Variants in RELB observed in about 807,000 individuals in gnomAD.
RELB encodes RELB proto-oncogene, NF-kB subunit, also known as transcription factor RelB.
In RELB, 14 loss-of-function variants were observed where a neutral mutation model predicts 55.4. The ratio of observed to expected loss-of-function variants is 0.25; its 90% CI spans 0.17 to 0.40. The LOEUF (loss-of-function observed/expected upper bound fraction) is 0.40. RELB is among the 10% of genes least tolerant of loss of function. RELB has a pLI of 1.00. For missense variants in RELB, 669 were observed against 830.7 expected, an observed-to-expected ratio of 0.81 and a Z score of 2.39; for synonymous variants, 409 against 371.3, an observed-to-expected ratio of 1.10 and a Z score of -1.17.
intron 5 of RELB, among the ~76,000 whole-genome samples, chr19:45,023,397 C>CTTCCTTCCTTCCTTCCTTCT (rs1971513699): frequency 7.2e-6 from 1 of 138,462 alleles, no homozygotes; most frequent in Non-Finnish European, 1.6e-5. Flanking sequence ...GTTTTCTTTC[C>CTTCCTTCCTTCCTTCCTTCT]TTCCTTCCTT....
At chr19:45,008,000 CAAAAAAAAAAA>C (rs57007961) in intron 2 of RELB, among the ~76,000 whole-genome samples, 1 of 63,010 alleles carries the variant, frequency 1.6e-5, no homozygotes, top group South Asian at 8.2e-4. Flanking sequence ...GCTAAAAATA[CAAAAAAAAAAA>C]AAAAAAAAAA....
At chr19:45,003,583 C>T (rs1477986740) in intron 2 of RELB, 1 of 518,028 alleles carries the variant, frequency 1.9e-6, no homozygotes, top group Non-Finnish European at 3.8e-6. Flanking sequence ...GTAATCACTG[C>T]CATCCTGGGC....
Position 45,011,970 on chromosome 19 carries a change from C to T in RELB, c.198C>T (p.Phe66=), listed in dbSNP as rs774423722. 1.9e-6 allele frequency: 3 copies of T among 1,560,210 alleles called. No individual in the cohort carries two copies. The highest frequency in any genetic ancestry group is 1.7e-6 in the Non-Finnish European group (2 of 1,159,748). The change falls in exon 4 of 12, where the codon TTC becomes TTT. Residue 66 remains phenylalanine, a synonymous_variant. Transcript: ENST00000221452. ...ACGAGTACATCAAGGAGAACGGCTT[C>T]GGCCTGGACGGGGGACAGCCGGGCC... ...IIDEYIKENG[F]GLDGGQPGPG...
chr19:45,001,557 G>A lies in RELB; in HGVS notation c.-23G>A, dbSNP rs753969155. On this transcript the variant is annotated 5_prime_UTR_variant, in exon 1 of 12. Transcript: ENST00000221452. Reference sequence around the variant, plus strand: ...GATCGTCCACCAGACCGTGCCTCCCGGCCGCCCGGCCGGCCCGCGTGCATG... The same window carrying A: ...GATCGTCCACCAGACCGTGCCTCCCAGCCGCCCGGCCGGCCCGCGTGCATG... The A allele has an allele frequency of 4.3e-6, 6 of 1,398,564 alleles. No individual in the cohort carries two copies. The South Asian group carries it at 8.4e-5, about 20-fold the overall frequency. 86.6% of individuals were successfully genotyped at this position (1,398,564 alleles called of 1,614,324 possible).
Position 45,037,624 on chromosome 19 carries a change from T to C in RELB, c.1574T>C (p.Val525Ala), listed in dbSNP as rs759196516. The stretch of plus-strand genomic sequence containing the variant: ...TGCAGCGGAGGTGCCGGGGCCGTGG[T>C]TGGGGAGACCCCCGGCCCTGAACCA... Reference protein sequence around the residue: ...VVCSGGAGAVVGETPGPEPLT... With the variant: ...VVCSGGAGAVAGETPGPEPLT... Residue 525 changes from valine to alanine, a missense_variant, in exon 12 of 12, where the codon GTT (valine) becomes GCT (alanine). Physicochemically the swap from Val to Ala is moderately conservative, Grantham distance 64. This residue lies in a region of RELB where 341 missense variants were observed against 436.8 expected (regional missense o/e 0.78). Coordinates refer to ENST00000221452, the MANE Select transcript of RELB (RefSeq NM_006509.4). 1.6e-4 allele frequency: 251 copies of C among 1,602,458 alleles called. No individual in the cohort carries two copies. Among genetic ancestry groups the C allele is most frequent in the Non-Finnish European group, 2.0e-4 (239 of 1,175,326 alleles).
rs1339631250 is a variant in RELB at position 45,022,051 on chromosome 19, A to G, written c.505-2A>G. The G allele has an allele frequency of 2.5e-6, 4 of 1,605,636 alleles. No homozygotes were observed. Among genetic ancestry groups the G allele is most frequent in the Non-Finnish European group, 3.4e-6 (4 of 1,175,292 alleles). On this transcript the variant is annotated splice_acceptor_variant, in intron 4 of 11. Transcript: ENST00000221452. LOFTEE classifies it high-confidence loss of function. Reference sequence around the variant, plus strand: ...CCCCAAAGAGGACTTCTCTTCCTGCAGCTCCGGGATTGTGGAGGGCTGCGG... The same window carrying G: ...CCCCAAAGAGGACTTCTCTTCCTGCGGCTCCGGGATTGTGGAGGGCTGCGG...
At chr19:45,032,792 G>T (rs375213976) in intron 9 of RELB, 43 bp downstream of exon 9, 1 of 1,532,238 alleles carries the variant, frequency 6.5e-7, no homozygotes, top group Non-Finnish European at 8.9e-7. Flanking sequence ...TCGGAGACTA[G>T]GTCTTTGGCC....
At chr19:45,001,711 G>T in intron 1 of RELB, 26 bp downstream of exon 1, 6 of 1,435,248 alleles carry the variant, frequency 4.2e-6, no homozygotes, top group Non-Finnish European at 4.7e-6. Context: ...GTTCAGGAGA[G>T]GGGTCTGGGG....
In RELB at chr19:45,028,967, C is replaced by T; in HGVS notation, c.966C>T (p.Tyr322=). 6.3e-7 allele frequency: 1 copy of T among 1,591,002 alleles called. No homozygotes were observed. The highest frequency in any genetic ancestry group is 8.6e-7 in the Non-Finnish European group (1 of 1,169,472). Residue 322 remains tyrosine (Y), a synonymous_variant, in exon 8 of 12, where the codon TAC becomes TAT. Transcript: ENST00000221452. ...CGTGCACCGGTGGCGAGGAGCTCTA[C>T]TTGCTCTGCGACAAGGTGCAGAAAG... The part of the protein sequence containing the change: ...SGPCTGGEEL[Y]LLCDKVQKED...
chr19:45,003,906 GTTTTTTGTGTTTTTTTTTTTT>G (rs1371197606), intron 2 of RELB, among the ~76,000 whole-genome samples: 114 of 62,532 alleles, frequency 1.8e-3, no homozygotes, highest in African/African-American at 5.5e-3. Flanking sequence ...TTTTTTGTCT[GTTTTTTGTGTTTTTTTTTTTT>G]TTTTTTTTTT....
intron 1 of RELB, 118 bp downstream of exon 1, chr19:45,001,803 G>C (rs954086324): frequency 8.5e-6 from 5 of 589,714 alleles, no homozygotes; most frequent in African/African-American, 7.9e-5. Flanking sequence ...CGCGGGGGCA[G>C]AGTGAGGGTT....
chr19:45,016,063 C>T (rs1300282412), intron 4 of RELB, among the ~76,000 whole-genome samples: 1 of 151,824 alleles, frequency 6.6e-6, no homozygotes, highest in Non-Finnish European at 1.5e-5. Flanking sequence ...CAGTGGCATG[C>T]AACCTCCGCC....
intron 6 of RELB, 67 bp from the exon 7 acceptor site, chr19:45,025,539 C>A: frequency 6.9e-6 from 11 of 1,599,434 alleles, no homozygotes; most frequent in Non-Finnish European, 9.4e-6. Flanking sequence ...ATCCCTTCCC[C>A]GTTCCCCTGT....
intron 2 of RELB, 108 bp from the exon 3 acceptor site, chr19:45,009,706 G>A (rs868816031): frequency 1.5e-5 from 20 of 1,311,850 alleles, no homozygotes; most frequent in South Asian, 4.9e-5. Context: ...GGAGGAAGAC[G>A]GAAGGGTCAC....
Position 45,026,589 on chromosome 19 carries a change from G to A in RELB, c.886+852G>A, listed in dbSNP as rs34034398. Among the ~76,000 whole-genome samples the A allele has an allele frequency of 5.2e-3, 792 of 152,112 alleles. 4 individuals carry two copies. The highest frequency in any genetic ancestry group is 0.037 in the South Asian group (176 of 4,816). Reference sequence around the variant, plus strand: ...ATCAAACCCAAAATGGAATCTTCTAGTGTTGTAGAATGAACAATCTGTACA... The same window carrying A: ...ATCAAACCCAAAATGGAATCTTCTAATGTTGTAGAATGAACAATCTGTACA... On this transcript the variant is annotated intron_variant, in intron 7 of 11. Coordinates refer to ENST00000221452, the MANE Select transcript of RELB (RefSeq NM_006509.4).
intron 4 of RELB, among the ~76,000 whole-genome samples, chr19:45,016,228 G>T (rs2122428581): frequency 6.6e-6 from 1 of 151,968 alleles, no homozygotes; most frequent in Non-Finnish European, 1.5e-5. Context: ...CAAGTGATCT[G>T]CCTGCCTCAG....
At chr19:45,014,537 T>TG (rs55860360) in intron 4 of RELB, among the ~76,000 whole-genome samples, 1 of 150,914 alleles carries the variant, frequency 6.6e-6, no homozygotes, top group Non-Finnish European at 1.5e-5. Context: ...GTTTTTTTTT[T>TG]GATGGAATCT....
chr19:45,029,282 A>C (rs969210148), intron 8 of RELB, among the ~76,000 whole-genome samples: 2 of 152,128 alleles, frequency 1.3e-5, no homozygotes, highest in Admixed American at 1.3e-4. Context: ...GAGGACTCTG[A>C]TGTTAAGGGT....
chr19:45,026,507 G>A (rs954926311), intron 7 of RELB, among the ~76,000 whole-genome samples: 2 of 151,938 alleles, frequency 1.3e-5, no homozygotes, highest in Non-Finnish European at 1.5e-5. Flanking sequence ...TTGCACCACT[G>A]CACTCCAGCC....
Sources: gnomAD v4.1 joint callset for allele counts (sites outside exome capture counted in the v4.1 genomes callset) on GRCh38, gnomAD v4.1.1 for gene constraint, gnomAD v4.1.1 regional missense constraint, MANE v1.5 for transcripts, NCBI Gene and HGNC (gene_info 2026-07-23, HGNC 2026-07-21) for gene names.